Variants in RAD51B observed in about 807,000 individuals in gnomAD.
RAD51B encodes RAD51 paralog B.
In RAD51B, 38 loss-of-function variants were observed where a neutral mutation model predicts 42.2. The observed-to-expected ratio is 0.90, with a 90% CI of 0.70 to 1.18. The LOEUF (loss-of-function observed/expected upper bound fraction) is 1.18, where lower values mean the gene tolerates loss of function less well. Among genes scored for constraint, RAD51B ranks in the 50% most tolerant of loss-of-function variants. The pLI is 0.00. For synonymous variants in RAD51B, 154 were observed against 145.2 expected, an observed-to-expected ratio of 1.06 and a Z score of -0.43; for missense variants, 373 against 400.7, an observed-to-expected ratio of 0.93 and a Z score of 0.59.
chr14:68,563,816 C>G, intron 10 of RAD51B: 1 of 985,396 alleles, frequency 1.0e-6, no homozygotes, highest in Non-Finnish European at 1.2e-6. Flanking sequence ...AATGAGCAGT[C>G]CTTGGAACGT....
intron 10 of RAD51B, among the ~76,000 whole-genome samples, chr14:68,585,244 T>A (rs1890401210): frequency 6.6e-6 from 1 of 152,348 alleles, no homozygotes; most frequent in Non-Finnish European, 1.5e-5. Context: ...CCAGCCTTGA[T>A]TCCCTGCTGT....
At chr14:68,272,635 T>TCATATATATATATATATA (rs2081129376) in intron 7 of RAD51B, among the ~76,000 whole-genome samples, 1 of 19,850 alleles carries the variant, frequency 5.0e-5, no homozygotes, top group Non-Finnish European at 8.8e-5. Flanking sequence ...TATAAACACT[T>TCATATATATATATATATA]TATATATATA....
At chr14:68,632,213 C>T (rs1892243905) in intron 10 of RAD51B, among the ~76,000 whole-genome samples, 1 of 152,164 alleles carries the variant, frequency 6.6e-6, no homozygotes, top group African/African-American at 2.4e-5. Context: ...CATCTAGTGT[C>T]TGGAGCTTCA....
chr14:68,632,926 C>A (rs1336583709), intron 10 of RAD51B, among the ~76,000 whole-genome samples: 1 of 151,564 alleles, frequency 6.6e-6, no homozygotes, highest in African/African-American at 2.4e-5. Context: ...TAAGCACACA[C>A]CACCATGCCC....
chr14:68,177,662 A>C (rs1421822992), intron 7 of RAD51B, among the ~76,000 whole-genome samples: 1 of 151,968 alleles, frequency 6.6e-6, no homozygotes, highest in Non-Finnish European at 1.5e-5. Flanking sequence ...GAAGCAATTA[A>C]GTTTTTTTTT....
At chr14:68,429,089 AT>A (rs2084933300) in intron 9 of RAD51B, among the ~76,000 whole-genome samples, 1 of 151,908 alleles carries the variant, frequency 6.6e-6, no homozygotes, top group Admixed American at 6.6e-5. Context: ...TGAACTCATC[AT>A]TTTTTATGGC....
chr14:68,520,146 C>T (rs1886471335), intron 10 of RAD51B, among the ~76,000 whole-genome samples: 1 of 152,208 alleles, frequency 6.6e-6, no homozygotes. Flanking sequence ...CACTTTCCTC[C>T]TAAGCACAAT....
chr14:68,257,339 A>C (rs1007871458), intron 7 of RAD51B, among the ~76,000 whole-genome samples: 1 of 152,292 alleles, frequency 6.6e-6, no homozygotes, highest in African/African-American at 2.4e-5. Flanking sequence ...AAATGGTTAA[A>C]ATTATAAGCA....
chr14:68,479,645 G>A (rs1203499154), downstream of RAD51B, among the ~76,000 whole-genome samples: 1 of 150,764 alleles, frequency 6.6e-6, no homozygotes, highest in Admixed American at 6.6e-5. Context: ...CTGGTTTGGG[G>A]GTGGTCTTTC....
intron 7 of RAD51B, among the ~76,000 whole-genome samples, chr14:67,968,637 C>T (rs1355973718): frequency 6.6e-6 from 1 of 152,214 alleles, no homozygotes; most frequent in African/African-American, 2.4e-5. Context: ...ACAGGTCCCT[C>T]ATCTCCATTT....
chr14:68,472,838 C>A (rs140056770), intron 10 of RAD51B, among the ~76,000 whole-genome samples: 1 of 152,162 alleles, frequency 6.6e-6, no homozygotes, highest in Non-Finnish European at 1.5e-5. Context: ...AAAGCAACAG[C>A]GATCTTTTTT....
chr14:67,845,522 G>A (rs2041581900), intron 4 of RAD51B, among the ~76,000 whole-genome samples: 1 of 152,066 alleles, frequency 6.6e-6, no homozygotes, highest in Non-Finnish European at 1.5e-5. Flanking sequence ...GCTAAAATTA[G>A]CCGGGTGTGG....
intron 10 of RAD51B, among the ~76,000 whole-genome samples, chr14:68,579,867 C>T (rs1003818974): frequency 2.0e-5 from 3 of 152,232 alleles, no homozygotes; most frequent in Non-Finnish European, 4.4e-5. Flanking sequence ...CCCCCACCGT[C>T]GGCTGCAGCA....
chr14:68,436,937 C>G (rs1724135392), intron 9 of RAD51B, among the ~76,000 whole-genome samples: 1 of 152,038 alleles, frequency 6.6e-6, no homozygotes, highest in Non-Finnish European at 1.5e-5. Flanking sequence ...AGGGTTTTCT[C>G]AGTATATGAT....
At chr14:68,271,440 T>C (rs2081101988) in intron 7 of RAD51B, among the ~76,000 whole-genome samples, 1 of 152,146 alleles carries the variant, frequency 6.6e-6, no homozygotes, top group African/African-American at 2.4e-5. Context: ...TGATTTAACC[T>C]CTCTGAGACT....
chr14:68,538,629 CT>C lies in RAD51B; in HGVS notation c.1037-55843del, dbSNP rs111736571. On this transcript the variant is annotated intron_variant, in intron 10 of 10. Coordinates refer to the RAD51B transcript ENST00000487270. The stretch of plus-strand genomic sequence containing the variant: ...CATAGTTTGTTTGGCTAGCACACCG[CT>C]TTTTTTTTTTTTCTTTTTTAACATC... Among the ~76,000 whole-genome samples the C allele has an allele frequency of 7.7e-3, 1,083 of 141,198 alleles. 15 individuals are homozygous for C. The highest frequency in any genetic ancestry group is 0.021 in the African/African-American group (808 of 38,770). 92.6% of individuals were successfully genotyped at this position (141,198 alleles called of 152,430 possible). A position where few individuals can be genotyped will look rare whatever the true frequency, so the allele number is the denominator to read the frequency against.
intron 7 of RAD51B, among the ~76,000 whole-genome samples, chr14:68,290,016 G>T (rs28456296): frequency 0.072 from 11,009 of 152,206 alleles, 681 homozygotes; most frequent in East Asian, 0.33. Flanking sequence ...TTCTTTACCT[G>T]ACCTTGCCGT....
chr14:68,165,226 A>G (rs572101873), intron 7 of RAD51B, among the ~76,000 whole-genome samples: 1 of 152,310 alleles, frequency 6.6e-6, no homozygotes, highest in African/African-American at 2.4e-5. Context: ...GTTCTTCTGT[A>G]TGGAGATTTT....
intron 8 of RAD51B, among the ~76,000 whole-genome samples, chr14:68,313,835 T>C (rs1416970422): frequency 6.6e-6 from 1 of 152,230 alleles, no homozygotes; most frequent in Non-Finnish European, 1.5e-5. Flanking sequence ...GCATTTGGAA[T>C]GGGCTGACAA....
Sources: allele counts gnomAD v4.1 joint callset (sites outside exome capture counted in the v4.1 genomes callset), GRCh38; gene constraint gnomAD v4.1.1; transcripts MANE v1.5; gene names NCBI Gene and HGNC (gene_info 2026-07-23, HGNC 2026-07-21).